PARP8: variants seen among roughly 807,000 people sequenced by gnomAD.
The protein encoded by PARP8 is poly(ADP-ribose) polymerase family member 8.
A neutral mutation model predicts 124.1 loss-of-function variants in PARP8; 51 were observed. The ratio of observed to expected loss-of-function variants is 0.41; its 90% CI spans 0.33 to 0.52. PARP8 has a LOEUF of 0.52. Among genes scored for constraint, PARP8 ranks in the 20% least tolerant of loss-of-function variants. The pLI is 0.21. For synonymous variants in PARP8, 391 were observed against 361.5 expected (o/e 1.08, Z -0.93); for missense variants, 860 against 1,018.9 (o/e 0.84, Z 2.12).
chr5:50,747,761 C>CTTTT lies in PARP8; in HGVS notation c.147-2364_147-2361dup, dbSNP rs70972943. Among the ~76,000 whole-genome samples, 37 of 52,930 alleles carry CTTTT rather than the reference C, an allele frequency of 7.0e-4. 8 individuals are homozygous for CTTTT. The highest frequency in any genetic ancestry group is 1.2e-3 in the African/African-American group (23 of 19,222). 34.7% of individuals were successfully genotyped at this position (52,930 alleles called of 152,430 possible). A position where few individuals can be genotyped will look rare whatever the true frequency, so the allele number is the denominator to read the frequency against. ...TCTCTCAAAGATAGGATAGACCTTG[C>CTTTT]TTTTTTTTTTTTTTTTTTTTTTTTT... On this transcript the variant is annotated intron_variant, in intron 2 of 25. Transcript: ENST00000281631.
intron 14 of PARP8, among the ~76,000 whole-genome samples, chr5:50,800,975 C>G (rs1296249303): frequency 3.3e-5 from 5 of 151,770 alleles, no homozygotes; most frequent in Admixed American, 2.6e-4. Flanking sequence ...CAAGGCTGGT[C>G]TTGAACTCCT....
intron 2 of PARP8, among the ~76,000 whole-genome samples, chr5:50,741,005 C>T (rs973461704): frequency 3.9e-5 from 6 of 151,970 alleles, no homozygotes; most frequent in African/African-American, 9.7e-5. Flanking sequence ...GTTATTCAGT[C>T]GTATTTAGTT....
At chr5:50,812,132 T>G (rs1744526351) in intron 14 of PARP8, among the ~76,000 whole-genome samples, 1 of 152,198 alleles carries the variant, frequency 6.6e-6, no homozygotes, top group African/African-American at 2.4e-5. Context: ...TCAAATGGTA[T>G]TTCCAGTTCC....
chr5:50,804,574 C>T (rs1036777015), intron 14 of PARP8, among the ~76,000 whole-genome samples: 2 of 152,102 alleles, frequency 1.3e-5, no homozygotes, highest in African/African-American at 4.8e-5. Flanking sequence ...AAACAAAATA[C>T]ATCATTCTAC....
At chr5:50,812,110 G>A (rs990798158) in intron 14 of PARP8, among the ~76,000 whole-genome samples, 4 of 152,130 alleles carry the variant, frequency 2.6e-5, no homozygotes, top group African/African-American at 7.2e-5. Context: ...GCCCAGTAAT[G>A]GGATCGCTGA....
chr5:50,707,384 T>G (rs1198354559), intron 2 of PARP8, among the ~76,000 whole-genome samples: 1 of 152,046 alleles, frequency 6.6e-6, no homozygotes, highest in Admixed American at 6.6e-5. Context: ...AGCTTTAAAT[T>G]TAGATTTTTT....
At chr5:50,784,373 A>G (rs1012891699) in intron 9 of PARP8, among the ~76,000 whole-genome samples, 1 of 152,182 alleles carries the variant, frequency 6.6e-6, no homozygotes, top group Admixed American at 6.5e-5. Flanking sequence ...TAAAGATATG[A>G]TATAATTTGT....
intron 7 of PARP8, among the ~76,000 whole-genome samples, chr5:50,774,101 T>C (rs1761910997): frequency 1.3e-5 from 2 of 152,328 alleles, no homozygotes; most frequent in South Asian, 4.1e-4. Context: ...CTGCCCTTAA[T>C]GCATTTAACC....
intron 2 of PARP8, among the ~76,000 whole-genome samples, chr5:50,728,631 T>C (rs1381611947): frequency 6.6e-6 from 1 of 151,980 alleles, no homozygotes; most frequent in East Asian, 1.9e-4. Flanking sequence ...TCTCCCAGAA[T>C]TCGTTGTCTT....
At chr5:50,760,044 T>C (rs1414816578) in intron 4 of PARP8, among the ~76,000 whole-genome samples, 2 of 152,162 alleles carry the variant, frequency 1.3e-5, no homozygotes, top group Admixed American at 6.5e-5. Flanking sequence ...CCATGAAATA[T>C]AGAGTGAGAG....
intron 2 of PARP8, among the ~76,000 whole-genome samples, chr5:50,696,967 C>T (rs1190620534): frequency 6.6e-6 from 1 of 152,110 alleles, no homozygotes; most frequent in Admixed American, 6.6e-5. Context: ...TCAGCTAGGA[C>T]ATTAAGAAGA....
At chr5:50,751,898 G>C (rs1401080398) in intron 3 of PARP8, among the ~76,000 whole-genome samples, 1 of 152,154 alleles carries the variant, frequency 6.6e-6, no homozygotes, top group East Asian at 1.9e-4. Context: ...TGTACTAAGA[G>C]TTGTTGGTTA....
At chr5:50,689,192 A>G (rs35128589) in intron 2 of PARP8, among the ~76,000 whole-genome samples, 10,209 of 152,104 alleles carry the variant, frequency 0.067, 381 homozygotes, top group Middle Eastern at 0.11. Flanking sequence ...TTGAAACTGT[A>G]AACTGTGTTC....
chr5:50,821,541 G>A (rs530869372), intron 16 of PARP8, among the ~76,000 whole-genome samples: 4 of 152,066 alleles, frequency 2.6e-5, no homozygotes, highest in Admixed American at 1.3e-4. Context: ...ATGGGTAAAG[G>A]GACAAGTTTT....
intron 14 of PARP8, among the ~76,000 whole-genome samples, chr5:50,809,373 G>C (rs1744194430): frequency 6.6e-6 from 1 of 151,930 alleles, no homozygotes; most frequent in African/African-American, 2.4e-5. Flanking sequence ...TATTTACTCT[G>C]CTTATTTCAT....
At chr5:50,811,834 C>T (rs1274903918) in intron 14 of PARP8, among the ~76,000 whole-genome samples, 6 of 152,066 alleles carry the variant, frequency 3.9e-5, no homozygotes, top group African/African-American at 1.2e-4. Context: ...TGAGAACACG[C>T]GGTGTTTGGT....
At chr5:50,785,921 A>C (rs1471418458) in intron 9 of PARP8, among the ~76,000 whole-genome samples, 1 of 152,078 alleles carries the variant, frequency 6.6e-6, no homozygotes. Context: ...TTTCATTTGC[A>C]CACTAGTCTC....
chr5:50,731,070 G>A (rs186534271), intron 2 of PARP8, among the ~76,000 whole-genome samples: 154 of 152,302 alleles, frequency 1.0e-3, no homozygotes, highest in African/African-American at 3.6e-3. Flanking sequence ...AAGAGGCTGA[G>A]TGACTTAGAG....
intron 2 of PARP8, among the ~76,000 whole-genome samples, chr5:50,747,609 A>G (rs1758732493): frequency 6.6e-6 from 1 of 151,904 alleles, no homozygotes; most frequent in African/African-American, 2.4e-5. Flanking sequence ...TGACGAACTG[A>G]CACGTTTATC....
Sources: gnomAD v4.1 joint callset for allele counts (sites outside exome capture counted in the v4.1 genomes callset) on GRCh38, gnomAD v4.1.1 for gene constraint, MANE v1.5 for transcripts, NCBI Gene and HGNC (gene_info 2026-07-23, HGNC 2026-07-21) for gene names.